RAD51B: variants seen among roughly 807,000 people sequenced by gnomAD.
The protein encoded by RAD51B is DNA repair protein RAD51 homolog 2.
A neutral mutation model predicts 42.2 loss-of-function variants in RAD51B; 38 were observed. The observed-to-expected ratio is 0.90, with a 90% CI of 0.70 to 1.18. The LOEUF is 1.18. RAD51B is among the 50% of genes most tolerant of loss of function. The pLI, the probability that RAD51B is intolerant of heterozygous loss-of-function variation, is 0.00. For synonymous variants in RAD51B, 154 were observed against 145.2 expected, an observed-to-expected ratio of 1.06 and a Z score of -0.43; for missense variants, 373 against 400.7, an observed-to-expected ratio of 0.93 and a Z score of 0.59.
intron 7 of RAD51B, among the ~76,000 whole-genome samples, chr14:67,951,711 A>G (rs1284804623): frequency 6.6e-6 from 1 of 152,238 alleles, no homozygotes; most frequent in Non-Finnish European, 1.5e-5. Context: ...TTTATAACAT[A>G]TAAATCATAA....
chr14:67,903,484 A>C lies in RAD51B; in HGVS notation c.756+16280A>C, dbSNP rs1021326803. Among the ~76,000 whole-genome samples, 6 of 152,318 alleles carry C rather than the reference A, an allele frequency of 3.9e-5. No individual in the cohort carries two copies. In the East Asian group the frequency reaches 1.2e-3, roughly 29 times the overall value. On this transcript the variant is annotated intron_variant, in intron 7 of 10. Coordinates refer to ENST00000471583, the MANE Select transcript of RAD51B (RefSeq NM_133510.4). ...GACTCTTGTTTCTATTATGGATATA[A>C]AACATATTTTTAAAAAGATCAACAT...
intron 1 of RAD51B, among the ~76,000 whole-genome samples, chr14:67,820,096 T>G (rs2040575067): frequency 6.6e-6 from 1 of 152,064 alleles, no homozygotes; most frequent in South Asian, 2.1e-4. Flanking sequence ...AAAGCTCTTT[T>G]TAGGGGATTC....
intron 7 of RAD51B, among the ~76,000 whole-genome samples, chr14:68,260,568 G>A (rs1329283794): frequency 6.6e-6 from 1 of 152,092 alleles, no homozygotes; most frequent in Admixed American, 6.6e-5. Flanking sequence ...AAGCAGATAT[G>A]ACCTAATGAT....
chr14:68,255,565 A>G (rs2080736784), intron 7 of RAD51B, among the ~76,000 whole-genome samples: 1 of 152,228 alleles, frequency 6.6e-6, no homozygotes, highest in South Asian at 2.1e-4. Context: ...GTTGAGTTAC[A>G]GTCATTTCTT....
At chr14:68,486,175 T>C (rs763777113) in intron 10 of RAD51B, among the ~76,000 whole-genome samples, 1 of 152,216 alleles carries the variant, frequency 6.6e-6, no homozygotes, top group Non-Finnish European at 1.5e-5. Flanking sequence ...TCCGGGTATG[T>C]CAAAGGTGAT....
At chr14:68,558,730 C>T (rs1430416443) in intron 10 of RAD51B, among the ~76,000 whole-genome samples, 1 of 152,200 alleles carries the variant, frequency 6.6e-6, no homozygotes, top group African/African-American at 2.4e-5. Flanking sequence ...TGAGGGCCCA[C>T]CCTACTCCAG....
chr14:67,925,437 T>C (rs2044472582), intron 7 of RAD51B, among the ~76,000 whole-genome samples: 1 of 152,094 alleles, frequency 6.6e-6, no homozygotes, highest in Non-Finnish European at 1.5e-5. Context: ...CACGTCTGGC[T>C]AATTTTTGTA....
At position 68,244,176 on chromosome 14, in the gene RAD51B, T is replaced by G. The variant is rs190617734; in HGVS notation, c.757-47708T>G. Among the ~76,000 whole-genome samples the G allele has an allele frequency of 2.6e-5, 4 of 152,272 alleles. No homozygotes were observed. In the East Asian group the frequency reaches 7.7e-4, roughly 29 times the overall value. ...TGAATTAGTCCAATGGCCTACCTAC[T>G]ATATAAGATATATTTGACCTTAGGA... On this transcript the variant is annotated intron_variant, in intron 7 of 10. Coordinates refer to ENST00000471583, the MANE Select transcript of RAD51B (RefSeq NM_133510.4).
intron 5 of RAD51B, among the ~76,000 whole-genome samples, chr14:67,869,890 G>C (rs1318155073): frequency 6.6e-6 from 1 of 152,056 alleles, no homozygotes; most frequent in East Asian, 1.9e-4. Context: ...AATGCTGAGA[G>C]ATTTTGTCAC....
At chr14:68,230,284 A>G (rs1231345170) in intron 7 of RAD51B, among the ~76,000 whole-genome samples, 1 of 152,226 alleles carries the variant, frequency 6.6e-6, no homozygotes, top group Non-Finnish European at 1.5e-5. Flanking sequence ...AGTGTGTCAT[A>G]GAATTGAAGG....
chr14:67,932,013 C>A (rs749177822), intron 7 of RAD51B, among the ~76,000 whole-genome samples: 3 of 151,972 alleles, frequency 2.0e-5, no homozygotes, highest in Non-Finnish European at 4.4e-5. Flanking sequence ...GGTACATGTT[C>A]AGGTTTGTTA....
At chr14:68,290,997 A>G (rs1479977788) in intron 7 of RAD51B, among the ~76,000 whole-genome samples, 4 of 151,648 alleles carry the variant, frequency 2.6e-5, no homozygotes, top group Non-Finnish European at 2.9e-5. Context: ...TAGTAGAGAC[A>G]GGGTTTCTCC....
intron 10 of RAD51B, among the ~76,000 whole-genome samples, chr14:68,649,014 G>T (rs904916928): frequency 6.6e-6 from 1 of 152,118 alleles, no homozygotes; most frequent in African/African-American, 2.4e-5. Context: ...GGCAACCCTC[G>T]CATGTCATAG....
chr14:68,586,424 A>C (rs1890483000), intron 10 of RAD51B, among the ~76,000 whole-genome samples: 1 of 152,254 alleles, frequency 6.6e-6, no homozygotes, highest in Non-Finnish European at 1.5e-5. Flanking sequence ...GATCGGTTCC[A>C]GATGCCCATG....
intron 7 of RAD51B, among the ~76,000 whole-genome samples, chr14:68,280,224 A>G (rs1402640113): frequency 1.3e-5 from 2 of 152,192 alleles, no homozygotes; most frequent in African/African-American, 4.8e-5. Flanking sequence ...TTGCTACTCA[A>G]AATTTGTTTT....
intron 4 of RAD51B, among the ~76,000 whole-genome samples, chr14:67,860,496 G>A (rs1043543568): frequency 2.6e-5 from 4 of 152,048 alleles, no homozygotes; most frequent in African/African-American, 9.7e-5. Context: ...TGAAATGGTA[G>A]ACTTATAATT....
At chr14:68,545,832 C>T (rs535225935) in intron 10 of RAD51B, among the ~76,000 whole-genome samples, 8 of 152,092 alleles carry the variant, frequency 5.3e-5, no homozygotes, top group East Asian at 3.9e-4. Context: ...TAGATTGGGC[C>T]GCATTAGTAA....
At chr14:67,979,754 C>T (rs944430118) in intron 7 of RAD51B, among the ~76,000 whole-genome samples, 1 of 151,764 alleles carries the variant, frequency 6.6e-6, no homozygotes, top group East Asian at 1.9e-4. Flanking sequence ...CTTTTTTTCC[C>T]AAGTAGATAT....
chr14:68,636,329 T>C (rs1892338546), intron 10 of RAD51B, among the ~76,000 whole-genome samples: 1 of 152,178 alleles, frequency 6.6e-6, no homozygotes. Flanking sequence ...ACACGTGTCA[T>C]CTCAACACAT....
Sources: allele counts gnomAD v4.1 joint callset (sites outside exome capture counted in the v4.1 genomes callset), GRCh38; gene constraint gnomAD v4.1.1; transcripts MANE v1.5; gene names NCBI Gene and HGNC (gene_info 2026-07-23, HGNC 2026-07-21).